Variants in GPRC5C observed in about 807,000 individuals in gnomAD.
GPRC5C encodes the protein G protein-coupled receptor family C group 5 member C.
GPRC5C carries 22 observed loss-of-function variants against 31.4 expected under a neutral mutation model. That is an observed-to-expected ratio of 0.70 (90% CI 0.50 to 1.00). The LOEUF (loss-of-function observed/expected upper bound fraction) is 1.00. Among genes scored for constraint, GPRC5C ranks in the 50% least tolerant of loss-of-function variants. The pLI, the probability that GPRC5C is intolerant of heterozygous loss-of-function variation, is 0.00. For synonymous variants in GPRC5C, 249 were observed against 257.5 expected, an observed-to-expected ratio of 0.97 and a Z score of 0.32; for missense variants, 557 against 597.2, an observed-to-expected ratio of 0.93 and a Z score of 0.70.
chr17:74,441,782 C>G (rs915416722), intron 2 of GPRC5C, among the ~76,000 whole-genome samples: 1 of 152,036 alleles, frequency 6.6e-6, no homozygotes, highest in Non-Finnish European at 1.5e-5. Flanking sequence ...CGTGATTGCA[C>G]CACCACATTC....
chr17:74,439,979 C>A lies in GPRC5C; in HGVS notation c.203C>A (p.Thr68Asn), dbSNP rs201753558. The change falls in exon 2 of 4, where the codon ACC (threonine) becomes AAC (asparagine). Residue 68 changes from threonine (T) to asparagine (N), a missense_variant. Coordinates refer to ENST00000392627, the MANE Select transcript of GPRC5C (RefSeq NM_022036.4). The part of the protein sequence containing the change: ...GAGIVTTFVL[T>N]IILVASLPFV... Reference sequence around the variant, plus strand: ...GGCATTGTCACCACGTTTGTGCTCACCATCATCCTGGTGGCCAGCCTCCCC... The same window carrying A: ...GGCATTGTCACCACGTTTGTGCTCAACATCATCCTGGTGGCCAGCCTCCCC... The A allele has an allele frequency of 6.8e-6, 11 of 1,610,138 alleles. No homozygotes were observed. The African/African-American group carries it at 1.5e-4, about 21-fold the overall frequency.
At chr17:74,449,996 C>T (rs941397686), downstream of GPRC5C, 1 of 152,430 alleles carries the variant, frequency 6.6e-6, no homozygotes, top group African/African-American at 2.4e-5. Context: ...TGGATCTGAG[C>T]CCTTGGGGTG....
At chr17:74,438,224 T>TATAC (rs1321915300) in intron 1 of GPRC5C, among the ~76,000 whole-genome samples, 2 of 110,622 alleles carry the variant, frequency 1.8e-5, no homozygotes, top group African/African-American at 1.1e-4. Context: ...TATATATATA[T>TATAC]ATATATATAT....
chr17:74,433,724 T>G, intron 1 of GPRC5C: 1 of 1,613,764 alleles, frequency 6.2e-7, no homozygotes, highest in Non-Finnish European at 8.5e-7. Context: ...AGTGCCCTGG[T>G]CACAGCACCC....
At position 74,432,142 on chromosome 17, in the gene GPRC5C, G is replaced by C. The variant is rs2144394940; in HGVS notation, c.-33+1G>C. ...AAGTACGAGTCGGCTCAGCCTGGAG[G>C]TGAGTCGGGGCGGGGAGGGCCGGGC... On this transcript the variant is annotated splice_donor_variant, in intron 1 of 3. Transcript: ENST00000392627. LOFTEE classifies it low-confidence loss of function (5UTR_SPLICE). The C allele has an allele frequency of 1.2e-6, 2 of 1,612,076 alleles. No homozygotes were observed. Among genetic ancestry groups the C allele is most frequent in the African/African-American group, 2.7e-5 (2 of 75,032 alleles).
Position 74,440,485 on chromosome 17 carries a change from C to A in GPRC5C, c.709C>A (p.Arg237Ser). 1.2e-6 allele frequency: 2 copies of A among 1,614,146 alleles called. No individual in the cohort carries two copies. Among genetic ancestry groups the A allele is most frequent in the Non-Finnish European group, 1.7e-6 (2 of 1,180,044 alleles). ...GCCCGCCCTGTGTGGCCGCTACAAG[C>A]GCTGGCGTAAGCATGGGGTCTTTGT... ...AWPALCGRYK[R>S]WRKHGVFVLL... is the part of the protein sequence containing the mutation. Residue 237 changes from arginine (R) to serine (S), a missense_variant, in exon 2 of 4, where the codon CGC becomes AGC. Transcript: ENST00000392627. The surrounding 1 kb of genome is among the most constrained non-coding windows in gnomAD (Gnocchi z 4.4).
At chr17:74,435,499 G>C (rs893952701) in intron 1 of GPRC5C, among the ~76,000 whole-genome samples, 6 of 149,624 alleles carry the variant, frequency 4.0e-5, no homozygotes, top group African/African-American at 1.3e-4. Flanking sequence ...CTTACTAAAA[G>C]CAGCAGCCTG....
downstream of GPRC5C, chr17:74,451,293 C>T (rs547864101): frequency 1.3e-5 from 2 of 152,334 alleles, no homozygotes; most frequent in African/African-American, 4.8e-5. Flanking sequence ...GTGTGTATAG[C>T]CTGAGTCCTC....
chr17:74,442,599 G>A (rs1288490416), intron 2 of GPRC5C, among the ~76,000 whole-genome samples: 2 of 152,204 alleles, frequency 1.3e-5, no homozygotes, highest in Non-Finnish European at 2.9e-5. Context: ...TTAACTGCCC[G>A]GTTAACAAGC....
intron 1 of GPRC5C, among the ~76,000 whole-genome samples, chr17:74,438,117 C>G (rs937460952): frequency 2.0e-5 from 3 of 149,468 alleles, no homozygotes; most frequent in African/African-American, 7.4e-5. Flanking sequence ...TCACTGCAGC[C>G]TCGATCCCCT....
chr17:74,432,088 A>G lies in GPRC5C; in HGVS notation c.-86A>G, dbSNP rs2055356273. 12 of 1,613,470 alleles carry G rather than the reference A, an allele frequency of 7.4e-6. No homozygotes were observed. The highest frequency in any genetic ancestry group is 8.5e-6 in the Non-Finnish European group (10 of 1,179,880). On this transcript the variant is annotated 5_prime_UTR_variant, in exon 1 of 4. Transcript: ENST00000392627. The stretch of plus-strand genomic sequence containing the variant: ...CAACAACCCACACGCCGGCAGGGCC[A>G]GAAACTCCCATCTCCCTCACCAGCC...
At chr17:74,437,917 G>A (rs1220725737) in intron 1 of GPRC5C, among the ~76,000 whole-genome samples, 1 of 152,092 alleles carries the variant, frequency 6.6e-6, no homozygotes, top group Non-Finnish European at 1.5e-5. Flanking sequence ...ATGAAGCTGG[G>A]TTACAACTAG....
intron 1 of GPRC5C, among the ~76,000 whole-genome samples, chr17:74,435,684 G>T (rs563556979): frequency 6.6e-6 from 1 of 152,322 alleles, no homozygotes; most frequent in East Asian, 1.9e-4. Context: ...AACTGGAGGT[G>T]GGGGCTTAGG....
chr17:74,434,926 G>GA (rs569256081), intron 1 of GPRC5C, among the ~76,000 whole-genome samples: 88 of 137,304 alleles, frequency 6.4e-4, no homozygotes, highest in East Asian at 3.2e-3. Context: ...TTCGTCTCAA[G>GA]AAAAAAAAAA....
intron 3 of GPRC5C, chr17:74,445,092 A>C (rs1325639183): frequency 1.3e-5 from 2 of 152,096 alleles, no homozygotes; most frequent in Admixed American, 6.6e-5. Flanking sequence ...TCTACTAAAA[A>C]CACAAAAATC....
chr17:74,448,128 G>C (rs1369404311), downstream of GPRC5C, among the ~76,000 whole-genome samples: 1 of 152,036 alleles, frequency 6.6e-6, no homozygotes, highest in Non-Finnish European at 1.5e-5. Flanking sequence ...GGGTAACATA[G>C]TGAGACCTTG....
chr17:74,449,360 G>A, downstream of GPRC5C: 1 of 1,301,894 alleles, frequency 7.7e-7, no homozygotes. Flanking sequence ...AGTAAAACGA[G>A]ATGGTAGAAG....
chr17:74,434,186 C>T (rs187468855), intron 1 of GPRC5C, among the ~76,000 whole-genome samples: 1 of 152,274 alleles, frequency 6.6e-6, no homozygotes, highest in African/African-American at 2.4e-5. Flanking sequence ...GCCCTTTTGT[C>T]CAGAAAATAA....
rs766300436 is a variant in GPRC5C at position 74,439,808 on chromosome 17, T to A, written c.32T>A (p.Leu11Gln). 2.5e-6 allele frequency: 4 copies of A among 1,613,688 alleles called. No individual in the cohort carries two copies. The Admixed American group carries it at 5.0e-5, about 20-fold the overall frequency. The change falls in exon 2 of 4, where the codon CTG becomes CAG. Residue 11 changes from leucine (L) to glutamine (Q), a missense_variant. By Grantham distance (113) the Leu-to-Gln change is moderately radical. Coordinates refer to ENST00000392627, the MANE Select transcript of GPRC5C (RefSeq NM_022036.4). MAIHKALVMC[L>Q]GLPLFLFPGA... is the part of the protein sequence containing the mutation. ...ATCCACAAAGCCTTGGTGATGTGCCTGGGACTGCCTCTCTTCCTGTTCCCA... is the reference window on the plus strand; with the variant it reads ...ATCCACAAAGCCTTGGTGATGTGCCAGGGACTGCCTCTCTTCCTGTTCCCA...
Sources: gnomAD v4.1 joint callset for allele counts (sites outside exome capture counted in the v4.1 genomes callset) on GRCh38, gnomAD v4.1.1 for gene constraint, Gnocchi (gnomAD v3.1) non-coding constraint, MANE v1.5 for transcripts, NCBI Gene and HGNC (gene_info 2026-07-23, HGNC 2026-07-21) for gene names.